The following CPLANE1 variants were observed in gnomAD, a reference collection of about 807,000 sequenced individuals.
CPLANE1 encodes the protein ciliogenesis and planar polarity effector 1.
CPLANE1 carries 263 observed loss-of-function variants against 362.5 expected under a neutral mutation model. That is an observed-to-expected ratio of 0.73 (90% CI 0.66 to 0.80). CPLANE1 has a LOEUF of 0.80. Among genes scored for constraint, CPLANE1 ranks in the 30% least tolerant of loss-of-function variants. CPLANE1 has a pLI of 0.00. For missense variants in CPLANE1, 3,461 were observed against 3,793.4 expected (o/e 0.91, Z 2.30); for synonymous variants, 1,212 against 1,302.6 (o/e 0.93, Z 1.50).
chr5:37,183,528 AAT>A lies in CPLANE1; in HGVS notation c.4651_4652del (p.Ile1551Ter). On this transcript the variant is annotated frameshift_variant, in exon 26 of 53. Transcript: ENST00000651892. ...WEFERDDDEY[I>X]KFLDLFLSYI... is the part of the protein sequence containing the mutation. ...AACTCAAAAACAGATCAAGGAATTT[AAT>A]ATATTCATCATCATCACGTTCAAAT... 6.2e-7 allele frequency: 1 copy of A among 1,613,632 alleles called. No homozygotes were observed.
At position 37,209,028 on chromosome 5, in the gene CPLANE1, G is replaced by C. The variant is rs1356243890; in HGVS notation, c.2921-2603C>G. On this transcript the variant is annotated intron_variant, in intron 16 of 52. Coordinates refer to ENST00000651892, the MANE Select transcript of CPLANE1 (RefSeq NM_001384732.1). This position sits in a 1 kb window ranked among gnomAD's most constrained non-coding sequence, Gnocchi z 4.6. ...CTGTACTGAGCCGGTCTCGGGAGAC[G>C]AAGGATGGGATGTGAGGCGGTCCTG... Among the ~76,000 whole-genome samples the C allele has an allele frequency of 2.0e-5, 3 of 152,126 alleles. No homozygotes were observed. The highest frequency in any genetic ancestry group is 7.2e-5 in the African/African-American group (3 of 41,408).
At chr5:37,223,598 CTG>C (rs1374198807) in intron 14 of CPLANE1, among the ~76,000 whole-genome samples, 1 of 152,206 alleles carries the variant, frequency 6.6e-6, no homozygotes, top group African/African-American at 2.4e-5. Flanking sequence ...CTGAGAACCT[CTG>C]TCATCTCAGC....
intron 33 of CPLANE1, among the ~76,000 whole-genome samples, 154 bp downstream of exon 33, chr5:37,169,887 C>T (rs1398448028): frequency 2.0e-5 from 3 of 152,050 alleles, no homozygotes; most frequent in East Asian, 1.9e-4. Context: ...CCACCACACC[C>T]GGCTGACTTT....
rs935424648 is a variant in CPLANE1 at position 37,226,980 on chromosome 5, T to C, written c.1615A>G (p.Met539Val). Reference protein sequence around the residue: ...NKRDDVLCSSMKEGRLEFASM... With the variant: ...NKRDDVLCSSVKEGRLEFASM... ...GCAAATTCCAATCTTCCTTCCTTCA[T>C]ACTACTACACAGCACATCATCTCTT... Residue 539 changes from methionine to valine, a missense_variant, in exon 12 of 53, where the codon ATG becomes GTG. This residue lies in a region of CPLANE1 where 3,380 missense variants were observed against 3,666.1 expected (regional missense o/e 0.92). Coordinates refer to ENST00000651892, the MANE Select transcript of CPLANE1 (RefSeq NM_001384732.1). The C allele has an allele frequency of 6.4e-7, 1 of 1,551,830 alleles. No individual in the cohort carries two copies. Among genetic ancestry groups the C allele is most frequent in the South Asian group, 1.2e-5 (1 of 84,066 alleles).
chr5:37,108,439 T>C lies in CPLANE1; in HGVS notation c.9433A>G (p.Thr3145Ala), dbSNP rs766501293. The C allele has an allele frequency of 6.2e-7, 1 of 1,614,224 alleles. No homozygotes were observed. The highest frequency in any genetic ancestry group is 2.2e-5 in the East Asian group (1 of 44,888). Residue 3145 changes from threonine to alanine, a missense_variant, in exon 52 of 53, where the codon ACA becomes GCA. Transcript: ENST00000651892. ...AGCCCAGCACTTCCATGTTTTTTTG[T>C]ATGCTGCAGACTATGACACGGAGCA... ...SNAPCHSLQH[T>A]KKHGSAGLAP...
At chr5:37,208,509 C>G (rs1308533405) in intron 16 of CPLANE1, among the ~76,000 whole-genome samples, 2 of 152,158 alleles carry the variant, frequency 1.3e-5, no homozygotes, top group Non-Finnish European at 2.9e-5. Context: ...AACCCCGTCT[C>G]CACTAAAAAT....
the CPLANE1 span, among the ~76,000 whole-genome samples, chr5:37,087,736 A>G: frequency 3.5e-4 from 53 of 152,322 alleles, no homozygotes; most frequent in South Asian, 8.3e-4. Flanking sequence ...GATTACAGGC[A>G]TGAGCCACCG....
chr5:37,192,805 G>A (rs1398084050), intron 21 of CPLANE1, among the ~76,000 whole-genome samples: 6 of 145,000 alleles, frequency 4.1e-5, no homozygotes, highest in Non-Finnish European at 8.9e-5. Flanking sequence ...GCAGTGAGCC[G>A]AGAGCGTGCC....
At chr5:37,165,464 T>TGGG in intron 36 of CPLANE1, 75 bp downstream of exon 36, 1 of 1,428,976 alleles carries the variant, frequency 7.0e-7, no homozygotes, top group Non-Finnish European at 9.7e-7. Context: ...GCAATCAGAC[T>TGGG]AGATAAACCA....
rs773856220 is a variant in CPLANE1, at chr5:37,179,405, T to C, written c.5776A>G (p.Ser1926Gly). Residue 1926 changes from serine (S) to glycine (G), a missense_variant, in exon 29 of 53, where the codon AGT becomes GGT. Ser to Gly is a moderately conservative substitution (Grantham distance 56, BLOSUM62 0). Coordinates refer to ENST00000651892, the MANE Select transcript of CPLANE1 (RefSeq NM_001384732.1). ...AAAGTCATCATGCAAATGGCAAGACTGGGACTTCTGAAACCTCCAACAGAT... is the reference window on the plus strand; with the variant it reads ...AAAGTCATCATGCAAATGGCAAGACCGGGACTTCTGAAACCTCCAACAGAT... ...EESVGGFRSP[S>G]LAICMMTLPQ... 1.4e-5 allele frequency: 23 copies of C among 1,613,326 alleles called. No individual in the cohort carries two copies. The highest frequency in any genetic ancestry group is 5.1e-6 in the Non-Finnish European group (6 of 1,179,586).
At chr5:37,138,194 C>A (rs1211257498) in intron 46 of CPLANE1, among the ~76,000 whole-genome samples, 1 of 152,112 alleles carries the variant, frequency 6.6e-6, no homozygotes, top group East Asian at 1.9e-4. Context: ...AGGTCTATAA[C>A]TACTTATTTT....
intron 46 of CPLANE1, among the ~76,000 whole-genome samples, chr5:37,137,753 T>C (rs1768178353): frequency 6.6e-6 from 1 of 152,146 alleles, no homozygotes; most frequent in Non-Finnish European, 1.5e-5. Flanking sequence ...TCAGTTCTTG[T>C]GACAACTCAC....
downstream of CPLANE1, among the ~76,000 whole-genome samples, chr5:37,104,259 T>G (rs1243536221): frequency 6.6e-6 from 1 of 152,196 alleles, no homozygotes; most frequent in Non-Finnish European, 1.5e-5. Context: ...GGCTATCAGC[T>G]CCTGTAGTTT....
At chr5:37,086,630 G>A in the CPLANE1 span, among the ~76,000 whole-genome samples, 14 of 152,174 alleles carry the variant, frequency 9.2e-5, no homozygotes, top group Non-Finnish European at 1.8e-4. Flanking sequence ...TCTGTGGGGA[G>A]GGGAATGGAG....
At chr5:37,206,108 C>T (rs917705416) in intron 17 of CPLANE1, 89 bp downstream of exon 17, 8 of 896,162 alleles carry the variant, frequency 8.9e-6, no homozygotes, top group Admixed American at 2.3e-5. Flanking sequence ...ACTAAGGATT[C>T]CACATAAAAT....
At chr5:37,238,496 T>TC (rs1456427154) in intron 8 of CPLANE1, among the ~76,000 whole-genome samples, 4 of 139,472 alleles carry the variant, frequency 2.9e-5, no homozygotes, top group Non-Finnish European at 6.2e-5. Context: ...TCTTTTTTTT[T>TC]TTTTTTTTTT....
rs1238985621 is a variant in CPLANE1, at chr5:37,201,806, GA to G, written c.3291del (p.Ile1099LeufsTer17). ...AGATTTGCATCTTCCTCTTCAATGG[GA>G]TCTATCAAATACAAAAATTTGGTAA... ...EMGSKYKQFT[D>X]PIEEEDANLL... On this transcript the variant is annotated frameshift_variant and splice_region_variant, in exon 19 of 53. Transcript: ENST00000651892. LOFTEE classifies it high-confidence loss of function. The G allele has an allele frequency of 1.9e-6, 3 of 1,599,672 alleles. No individual in the cohort carries two copies. In the African/African-American group the frequency reaches 4.0e-5, roughly 21 times the overall value.
Position 37,107,159 on chromosome 5 carries a change from G to C in CPLANE1, c.*443C>G, listed in dbSNP as rs1373324132. 1.0e-6 allele frequency: 1 copy of C among 985,348 alleles called. No homozygotes were observed. 61.0% of individuals were successfully genotyped at this position (985,348 alleles called of 1,614,324 possible). ...ACCCTGCATAGGTGTTTTAAAATAG[G>C]GTTCATAATTGAGTTCTCAGGTGAG... On this transcript the variant is annotated 3_prime_UTR_variant, in exon 53 of 53. Transcript: ENST00000651892.
the CPLANE1 span, among the ~76,000 whole-genome samples, chr5:37,076,085 C>CA: frequency 2.2e-4 from 33 of 150,678 alleles, no homozygotes; most frequent in Middle Eastern, 3.4e-3. Context: ...TCAATCACTA[C>CA]AAAAAAAACA....
Sources: allele counts gnomAD v4.1 joint callset (sites outside exome capture counted in the v4.1 genomes callset), GRCh38; gene constraint gnomAD v4.1.1; regional missense constraint gnomAD v4.1.1; non-coding constraint Gnocchi (gnomAD v3.1); transcripts MANE v1.5; gene names NCBI Gene and HGNC (gene_info 2026-07-23, HGNC 2026-07-21).